NEMP2: variants seen among roughly 807,000 people sequenced by gnomAD.
NEMP2 encodes UPF0571 transmembrane protein.
In NEMP2, 53 loss-of-function variants were observed where a neutral mutation model predicts 54.2. The observed-to-expected ratio is 0.98, with a 90% CI of 0.78 to 1.23. The LOEUF is 1.23. NEMP2 is among the 50% of genes most tolerant of loss of function. The pLI is 0.00. For synonymous variants in NEMP2, 197 were observed against 190.3 expected, an observed-to-expected ratio of 1.04 and a Z score of -0.29; for missense variants, 455 against 511.3, an observed-to-expected ratio of 0.89 and a Z score of 1.06.
chr2:190,486,802 G>T, the NEMP2 span, among the ~76,000 whole-genome samples: 1 of 152,216 alleles, frequency 6.6e-6, no homozygotes, highest in Non-Finnish European at 1.5e-5. Flanking sequence ...TTTCTCAGGG[G>T]ATGGAACCAG....
the NEMP2 span, among the ~76,000 whole-genome samples, chr2:190,590,354 C>G: frequency 6.6e-6 from 1 of 152,156 alleles, no homozygotes; most frequent in Non-Finnish European, 1.5e-5. This position sits in a 1 kb window ranked among gnomAD's most constrained non-coding sequence, Gnocchi z 5.1. Flanking sequence ...ATGTTTTGGG[C>G]TGTCTAAATG....
At chr2:190,621,589 GTC>G in the NEMP2 span, among the ~76,000 whole-genome samples, 5 of 150,620 alleles carry the variant, frequency 3.3e-5, no homozygotes, top group African/African-American at 9.8e-5. Context: ...AATTCCATCT[GTC>G]TTTGGGTTTT....
chr2:190,488,219 C>G, the NEMP2 span, among the ~76,000 whole-genome samples: 2 of 152,098 alleles, frequency 1.3e-5, no homozygotes, highest in Non-Finnish European at 2.9e-5. This position sits in a 1 kb window ranked among gnomAD's most constrained non-coding sequence, Gnocchi z 6.4. Context: ...GAATTTAAAT[C>G]AAAGACTCAG....
At chr2:190,631,229 A>G in the NEMP2 span, among the ~76,000 whole-genome samples, 1 of 152,204 alleles carries the variant, frequency 6.6e-6, no homozygotes, top group African/African-American at 2.4e-5. Flanking sequence ...TACATATCCA[A>G]CCAAAGGAAA....
At chr2:190,499,736 T>C (rs1172633106), downstream of NEMP2, 1 of 1,282,340 alleles carries the variant, frequency 7.8e-7, no homozygotes, top group Non-Finnish European at 1.0e-6. The surrounding 1 kb of genome is among the most constrained non-coding windows in gnomAD (Gnocchi z 6.0). Context: ...ATGTAAACTG[T>C]TTACCAAGTA....
chr2:190,530,045 G>A lies in NEMP2; in HGVS notation c.97+4514C>T, dbSNP rs561655434. ...TAGAGGAGGTCAGAAAGAATAGGTG[G>A]CATTAAGCTTCTTTTGTTTGACTCA... On this transcript the variant is annotated intron_variant, in intron 1 of 8. Transcript: ENST00000409150. The surrounding 1 kb of genome is among the most constrained non-coding windows in gnomAD (Gnocchi z 4.6). Among the ~76,000 whole-genome samples, 119 of 152,178 alleles carry A rather than the reference G, an allele frequency of 7.8e-4. 6 individuals carry two copies. Among genetic ancestry groups the A allele is most frequent in the Non-Finnish European group, 5.0e-4 (34 of 68,022 alleles).
the NEMP2 span, among the ~76,000 whole-genome samples, chr2:190,431,551 G>A: frequency 3.3e-5 from 5 of 152,212 alleles, no homozygotes; most frequent in East Asian, 1.9e-4. The surrounding 1 kb of genome is among the most constrained non-coding windows in gnomAD (Gnocchi z 4.4). Context: ...AAAAAAATAC[G>A]AAAACCAGTC....
At chr2:190,608,690 A>C in the NEMP2 span, 1 of 152,166 alleles carries the variant, frequency 6.6e-6, no homozygotes, top group African/African-American at 2.4e-5. The surrounding 1 kb of genome is among the most constrained non-coding windows in gnomAD (Gnocchi z 4.9). Flanking sequence ...ATAGGTTTGG[A>C]CTGAAAAATA....
At chr2:190,434,400 CTAA>C in the NEMP2 span, among the ~76,000 whole-genome samples, 1 of 152,030 alleles carries the variant, frequency 6.6e-6, no homozygotes, top group Non-Finnish European at 1.5e-5. The surrounding 1 kb of genome is among the most constrained non-coding windows in gnomAD (Gnocchi z 4.3). Context: ...ATGTATATTG[CTAA>C]TATCGTATAT....
the NEMP2 span, among the ~76,000 whole-genome samples, chr2:190,472,804 A>T: frequency 6.6e-6 from 1 of 152,346 alleles, no homozygotes. Context: ...CAAAGTTGAA[A>T]TGAAGGAAAA....
At chr2:190,565,966 C>A in the NEMP2 span, among the ~76,000 whole-genome samples, 2 of 152,156 alleles carry the variant, frequency 1.3e-5, no homozygotes, top group Non-Finnish European at 2.9e-5. Flanking sequence ...TTTGTTATGG[C>A]AGCCCTAGAA....
chr2:190,562,788 A>C, the NEMP2 span, among the ~76,000 whole-genome samples: 1 of 152,198 alleles, frequency 6.6e-6, no homozygotes, highest in Non-Finnish European at 1.5e-5. The surrounding 1 kb of genome is among the most constrained non-coding windows in gnomAD (Gnocchi z 5.0). Context: ...TAGGGAAAGA[A>C]AAGTACCCTT....
the NEMP2 span, among the ~76,000 whole-genome samples, chr2:190,449,625 A>G: frequency 2.6e-5 from 4 of 152,008 alleles, no homozygotes; most frequent in Non-Finnish European, 5.9e-5. Context: ...CAAATGTCCA[A>G]CAATGATAGA....
At chr2:190,604,156 C>T in the NEMP2 span, among the ~76,000 whole-genome samples, 13 of 152,208 alleles carry the variant, frequency 8.5e-5, no homozygotes, top group African/African-American at 3.1e-4. The surrounding 1 kb of genome is among the most constrained non-coding windows in gnomAD (Gnocchi z 4.5). Context: ...CTCCTTCCTT[C>T]TCTCCCCCAC....
chr2:190,568,259 C>T, the NEMP2 span, among the ~76,000 whole-genome samples: 1 of 152,138 alleles, frequency 6.6e-6, no homozygotes, highest in African/African-American at 2.4e-5. The surrounding 1 kb of genome is among the most constrained non-coding windows in gnomAD (Gnocchi z 4.7). Context: ...GAGATTAATA[C>T]AGGACACACA....
At chr2:190,552,949 TA>T in the NEMP2 span, among the ~76,000 whole-genome samples, 2 of 151,940 alleles carry the variant, frequency 1.3e-5, no homozygotes, top group East Asian at 1.9e-4. Context: ...TAGAACCAGT[TA>T]AAAAAAATTA....
the NEMP2 span, among the ~76,000 whole-genome samples, chr2:190,545,843 T>G: frequency 2.0e-5 from 3 of 152,244 alleles, no homozygotes; most frequent in African/African-American, 7.2e-5. Flanking sequence ...TTTTCATTAT[T>G]GCTGTCTCTT....
chr2:190,435,330 G>T, the NEMP2 span: 1 of 152,246 alleles, frequency 6.6e-6, no homozygotes, highest in African/African-American at 2.4e-5. Flanking sequence ...TGCTAAATAA[G>T]TATTATCTGC....
the NEMP2 span, among the ~76,000 whole-genome samples, chr2:190,438,877 A>G: frequency 2.0e-5 from 3 of 152,164 alleles, no homozygotes; most frequent in Non-Finnish European, 4.4e-5. The surrounding 1 kb of genome is among the most constrained non-coding windows in gnomAD (Gnocchi z 5.2). Flanking sequence ...CATTTCTTTA[A>G]GCAATTGTGA....
Sources: allele counts gnomAD v4.1 joint callset (sites outside exome capture counted in the v4.1 genomes callset), GRCh38; gene constraint gnomAD v4.1.1; non-coding constraint Gnocchi (gnomAD v3.1); transcripts MANE v1.5; gene names NCBI Gene and HGNC (gene_info 2026-07-23, HGNC 2026-07-21).